NAMPT: variants seen among roughly 807,000 people sequenced by gnomAD.
NAMPT encodes NAmPRTase.
In NAMPT, 7 loss-of-function variants were observed where a neutral mutation model predicts 58.7. The observed-to-expected ratio is 0.12, with a 90% confidence interval of 0.07 to 0.22. The LOEUF (loss-of-function observed/expected upper bound fraction) is 0.22. Ranked by LOEUF, NAMPT falls within the 10% of genes least tolerant of loss-of-function variation. The probability of loss-of-function intolerance (pLI) is 1.00; values close to 1 mark genes in which losing one functional copy is unlikely to be tolerated. For missense variants in NAMPT, 271 were observed against 567.9 expected (o/e 0.48, Z 5.31); for synonymous variants, 145 against 198.1 (o/e 0.73, Z 2.25).
chr7:106,278,985 T>G (rs1451363930), intron 1 of NAMPT, among the ~76,000 whole-genome samples: 1 of 152,218 alleles, frequency 6.6e-6, no homozygotes, highest in East Asian at 1.9e-4. Context: ...ATTTTCTTTT[T>G]CTGAGAAGAC....
Position 106,274,930 on chromosome 7 carries a change from T to C in NAMPT, c.318+16A>G. 1 of 1,520,136 alleles carries C rather than the reference T, an allele frequency of 6.6e-7. No homozygotes were observed. The highest frequency in any genetic ancestry group is 9.1e-7 in the Non-Finnish European group (1 of 1,104,926). 94.2% of individuals were successfully genotyped at this position (1,520,136 alleles called of 1,614,324 possible). ...AGAAAAACCAAAACAGATCAAAAGA[T>C]GAAACCATCTTTTACCTCAAGAATG... On this transcript the variant is annotated intron_variant, in intron 3 of 10. Coordinates refer to ENST00000222553, the MANE Select transcript of NAMPT (RefSeq NM_005746.3).
chr7:106,253,253 T>G, intron 9 of NAMPT, 102 bp from the exon 10 acceptor site: 2 of 1,279,672 alleles, frequency 1.6e-6, no homozygotes, highest in Non-Finnish European at 2.2e-6. Context: ...ACATTTAAGT[T>G]TTAAGCACTT....
intron 1 of NAMPT, among the ~76,000 whole-genome samples, chr7:106,283,611 T>C (rs1180912814): frequency 6.6e-6 from 1 of 152,196 alleles, no homozygotes; most frequent in Non-Finnish European, 1.5e-5. Flanking sequence ...CTTGAGGTAT[T>C]ATCACGTATA....
chr7:106,260,403 G>A (rs1477200912), intron 8 of NAMPT, among the ~76,000 whole-genome samples: 3 of 152,210 alleles, frequency 2.0e-5, no homozygotes, highest in Admixed American at 6.5e-5. Context: ...GAATTGAAAC[G>A]AGGGCCTTGC....
chr7:106,270,300 A>T (rs1481929099), intron 4 of NAMPT: 2 of 424,648 alleles, frequency 4.7e-6, no homozygotes, highest in Admixed American at 2.7e-5. Flanking sequence ...AATCTGTTTG[A>T]AAAAGAGCTG....
At chr7:106,285,700 GGCTCTGTCTATGGCTGA>G, upstream of NAMPT, 2 of 548,072 alleles carry the variant, frequency 3.6e-6, no homozygotes, top group Middle Eastern at 9.4e-4. Context: ...TTCCTCCGGC[GGCTCTGTCTATGGCTGA>G]GCTCTTTGAT....
intron 8 of NAMPT, among the ~76,000 whole-genome samples, chr7:106,258,915 T>TCTTC (rs143988872): frequency 0.061 from 9,283 of 152,212 alleles, 444 homozygotes; most frequent in African/African-American, 0.13. Context: ...GTCAATTGAC[T>TCTTC]CTATCACGAA....
chr7:106,263,246 T>C lies in NAMPT; in HGVS notation c.969+146A>G, dbSNP rs2115758014. 9 of 636,658 alleles carry C rather than the reference T, an allele frequency of 1.4e-5. No homozygotes were observed. The South Asian group carries it at 1.8e-4, about 13-fold the overall frequency. 39.4% of individuals were successfully genotyped at this position (636,658 alleles called of 1,614,324 possible). On this transcript the variant is annotated intron_variant, in intron 7 of 10. Coordinates refer to ENST00000222553, the MANE Select transcript of NAMPT (RefSeq NM_005746.3). Reference sequence around the variant, plus strand: ...CTATTACTGTGTGACCTCAGGCAAATCTATTACTCTCTCTGGGCTGCAACT... The same window carrying C: ...CTATTACTGTGTGACCTCAGGCAAACCTATTACTCTCTCTGGGCTGCAACT...
At chr7:106,267,709 C>T (rs923521636) in intron 6 of NAMPT, among the ~76,000 whole-genome samples, 38 of 149,204 alleles carry the variant, frequency 2.5e-4, no homozygotes, top group Middle Eastern at 3.4e-3. Context: ...GGCGTAGTGG[C>T]GGGCGCCTGT....
intron 1 of NAMPT, among the ~76,000 whole-genome samples, chr7:106,284,189 G>A (rs779336682): frequency 2.6e-5 from 4 of 152,224 alleles, no homozygotes; most frequent in Non-Finnish European, 4.4e-5. Flanking sequence ...ATCACTAGGT[G>A]CCAAGGAGTT....
intron 6 of NAMPT, 173 bp downstream of exon 6, chr7:106,268,291 C>G (rs1586020247): frequency 3.8e-6 from 2 of 531,782 alleles, no homozygotes; most frequent in African/African-American, 1.9e-5. Flanking sequence ...TAAAATTTCT[C>G]TGCCTCTCTA....
At chr7:106,253,308 A>T in intron 9 of NAMPT, 157 bp from the exon 10 acceptor site, 2 of 693,676 alleles carry the variant, frequency 2.9e-6, no homozygotes, top group Non-Finnish European at 4.8e-6. Flanking sequence ...TCAGAAACAT[A>T]ACACTTTAGC....
intron 8 of NAMPT, among the ~76,000 whole-genome samples, chr7:106,258,005 G>C (rs888731655): frequency 2.6e-5 from 4 of 152,238 alleles, no homozygotes; most frequent in African/African-American, 9.6e-5. Flanking sequence ...GCTGAGCTAA[G>C]GGGAAAACGG....
chr7:106,279,870 T>G (rs952171718), intron 1 of NAMPT, among the ~76,000 whole-genome samples: 1 of 151,816 alleles, frequency 6.6e-6, no homozygotes, highest in Non-Finnish European at 1.5e-5. Context: ...GAGCAAGACC[T>G]AAATGACAAG....
intron 8 of NAMPT, chr7:106,261,378 A>G (rs1389339954): frequency 4.7e-6 from 2 of 429,662 alleles, no homozygotes; most frequent in Non-Finnish European, 4.2e-6. Flanking sequence ...AGGGTGGCCA[A>G]TGACAACTGG....
chr7:106,249,950 G>A lies in NAMPT; in HGVS notation c.*1133C>T, dbSNP rs1006820546. The A allele has an allele frequency of 4.6e-5, 7 of 151,976 alleles. No homozygotes were observed. The highest frequency in any genetic ancestry group is 1.7e-4 in the African/African-American group (7 of 41,384). 9.4% of individuals were successfully genotyped at this position (151,976 alleles called of 1,614,324 possible). A position where few individuals can be genotyped will look rare whatever the true frequency, so the allele number is the denominator to read the frequency against. On this transcript the variant is annotated 3_prime_UTR_variant, in exon 11 of 11. Transcript: ENST00000222553. ...ATTCTTCTATTGAAACACATGTCAT[G>A]CTTTTCATTGGAGATAATTTATCTT...
intron 6 of NAMPT, among the ~76,000 whole-genome samples, chr7:106,266,197 T>C (rs929604): frequency 0.016 from 2,450 of 152,298 alleles, 21 homozygotes; most frequent in Non-Finnish European, 0.026. Context: ...ATTAAGAACA[T>C]GTGAGGCATT....
chr7:106,273,147 C>G (rs893338044), intron 3 of NAMPT, among the ~76,000 whole-genome samples: 2 of 152,190 alleles, frequency 1.3e-5, no homozygotes, highest in African/African-American at 4.8e-5. Flanking sequence ...CTAGGGAAAT[C>G]CCTGCAGAAG....
chr7:106,285,194 C>CGT, upstream of NAMPT: 2 of 1,208,682 alleles, frequency 1.7e-6, no homozygotes, highest in Non-Finnish European at 2.1e-6. Flanking sequence ...CGCGGCAGCG[C>CGT]GCTGCGCAGT....
Sources: gnomAD v4.1 joint callset for allele counts (sites outside exome capture counted in the v4.1 genomes callset) on GRCh38, gnomAD v4.1.1 for gene constraint, MANE v1.5 for transcripts, NCBI Gene and HGNC (gene_info 2026-07-23, HGNC 2026-07-21) for gene names.